Variants in AHI1 observed in about 807,000 individuals in gnomAD.
The protein encoded by AHI1 is Abelson helper integration site 1.
Under a neutral mutation model 149.3 loss-of-function variants are expected in AHI1, and 123 were observed. The ratio of observed to expected loss-of-function variants is 0.82; its 90% CI spans 0.71 to 0.96. The LOEUF is 0.96. Among genes scored for constraint, AHI1 ranks in the 40% least tolerant of loss-of-function variants. The pLI, the probability that AHI1 is intolerant of heterozygous loss-of-function variation, is 0.00. For synonymous variants in AHI1, 475 were observed against 459.8 expected (o/e 1.03, Z -0.42); for missense variants, 1,439 against 1,422.7 (o/e 1.01, Z -0.18).
At chr6:135,405,983 T>C (rs747031298) in intron 21 of AHI1, among the ~76,000 whole-genome samples, 1 of 148,850 alleles carries the variant, frequency 6.7e-6, no homozygotes, top group Non-Finnish European at 1.5e-5. Flanking sequence ...TAGTGAAAAA[T>C]GGTCATAATC....
chr6:135,463,407 C>A (rs1681141538), intron 7 of AHI1, 101 bp from the exon 8 acceptor site: 2 of 965,110 alleles, frequency 2.1e-6, no homozygotes, highest in Non-Finnish European at 2.9e-6. Context: ...CAAAGATAAT[C>A]CTAAAATCAC....
chr6:135,471,633 C>T (rs563355317), intron 5 of AHI1, among the ~76,000 whole-genome samples: 1 of 147,952 alleles, frequency 6.8e-6, no homozygotes, highest in Admixed American at 6.9e-5. Flanking sequence ...TCCTATTATA[C>T]CTTTGCCAAT....
chr6:135,366,984 T>C (rs1774280686), intron 23 of AHI1, among the ~76,000 whole-genome samples: 1 of 152,236 alleles, frequency 6.6e-6, no homozygotes, highest in Non-Finnish European at 1.5e-5. Flanking sequence ...ATCACTATTA[T>C]CATCCAGTTC....
chr6:135,379,526 A>G (rs953529837), intron 23 of AHI1, among the ~76,000 whole-genome samples: 1 of 152,202 alleles, frequency 6.6e-6, no homozygotes, highest in African/African-American at 2.4e-5. Flanking sequence ...AGAATTTGTT[A>G]CTATATCATC....
intron 26 of AHI1, among the ~76,000 whole-genome samples, chr6:135,311,301 C>CAAAAA (rs35950731): frequency 5.0e-5 from 4 of 79,942 alleles, no homozygotes; most frequent in Non-Finnish European, 9.5e-5. Flanking sequence ...GACCCCGCCT[C>CAAAAA]AAAAAAAAAA....
At chr6:135,339,644 G>A (rs542121071) in intron 24 of AHI1, among the ~76,000 whole-genome samples, 1 of 152,248 alleles carries the variant, frequency 6.6e-6, no homozygotes, top group African/African-American at 2.4e-5. Flanking sequence ...GGAACAGAAG[G>A]AAAATAGAAT....
chr6:135,475,564 C>T (rs924097657), intron 5 of AHI1, among the ~76,000 whole-genome samples: 1 of 152,170 alleles, frequency 6.6e-6, no homozygotes, highest in African/African-American at 2.4e-5. Flanking sequence ...GTGACACAGG[C>T]ACTGAATGCT....
chr6:135,463,726 C>T (rs1790293489), intron 7 of AHI1, among the ~76,000 whole-genome samples: 1 of 152,096 alleles, frequency 6.6e-6, no homozygotes, highest in Non-Finnish European at 1.5e-5. Context: ...AGAGGCTTCA[C>T]ATGCACAACT....
In AHI1 at chr6:135,380,735, C is replaced by G. The variant is rs1444313311; in HGVS notation, c.3109+14041G>C. On this transcript the variant is annotated intron_variant, in intron 23 of 28. Coordinates refer to ENST00000265602, the MANE Select transcript of AHI1 (RefSeq NM_001134831.2). The stretch of plus-strand genomic sequence containing the variant: ...AACATCTTTTTAAGTAAAATAACCC[C>G]CCCCCCCCCAAAAAAAAAGTACAAA... Among the ~76,000 whole-genome samples the G allele has an allele frequency of 1.4e-4, 16 of 111,790 alleles. 1 individual carries two copies. Among genetic ancestry groups the G allele is most frequent in the African/African-American group, 6.2e-4 (14 of 22,480 alleles). 73.3% of individuals were successfully genotyped at this position (111,790 alleles called of 152,430 possible).
chr6:135,442,443 T>C, intron 14 of AHI1, 139 bp downstream of exon 14: 1 of 930,312 alleles, frequency 1.1e-6, no homozygotes. Context: ...AAGAACTTTC[T>C]TTGTTTGAAG....
In AHI1 at chr6:135,417,267, A is replaced by C. The variant is rs1272555171; in HGVS notation, c.2765-5723T>G. 2.2e-4 allele frequency among the ~76,000 whole-genome samples: 33 copies of C among 151,932 alleles called. 1 individual carries two copies. Among genetic ancestry groups the C allele is most frequent in the Admixed American group, 2.2e-3 (33 of 15,210 alleles). ...GTTAATTATTTAATGACATTTTTTA[A>C]CTCCCTATATTTTCTCTGAGATTGT... On this transcript the variant is annotated intron_variant, in intron 20 of 28. Transcript: ENST00000265602.
chr6:135,318,463 C>T, intron 26 of AHI1, 56 bp downstream of exon 26: 2 of 1,085,050 alleles, frequency 1.8e-6, no homozygotes, highest in Non-Finnish European at 2.7e-6. Context: ...AATATTTTAT[C>T]CAGAGAGAGT....
At position 135,362,941 on chromosome 6, in the gene AHI1, T is replaced by C. The variant is rs555672953; in HGVS notation, c.3110-4754A>G. 4.6e-5 allele frequency among the ~76,000 whole-genome samples: 7 copies of C among 152,100 alleles called. No individual in the cohort carries two copies. In the East Asian group the frequency reaches 1.3e-3, roughly 29 times the overall value. ...ATCATAAAGTCTTTGCCTAAGCCAATGTCTAGTAGTGTTTTTCCAATATTA... is the reference window on the plus strand; with the variant it reads ...ATCATAAAGTCTTTGCCTAAGCCAACGTCTAGTAGTGTTTTTCCAATATTA... On this transcript the variant is annotated intron_variant, in intron 23 of 28. Transcript: ENST00000265602.
intron 11 of AHI1, among the ~76,000 whole-genome samples, chr6:135,452,261 T>C (rs1344866145): frequency 6.6e-6 from 1 of 152,240 alleles, no homozygotes; most frequent in Non-Finnish European, 1.5e-5. Context: ...AATGAAAATG[T>C]TTTTATAAGA....
Position 135,455,503 on chromosome 6 carries a change from T to C in AHI1, c.1344+231A>G, listed in dbSNP as rs187825529. ...TCACAGAGCTGTTGTAATTATTAAA[T>C]TATACAAAGTAGGCCAAATGGTTAA... On this transcript the variant is annotated intron_variant, in intron 10 of 28. Coordinates refer to ENST00000265602, the MANE Select transcript of AHI1 (RefSeq NM_001134831.2). Among the ~76,000 whole-genome samples, 74 of 152,350 alleles carry C rather than the reference T, an allele frequency of 4.9e-4. No individual in the cohort carries two copies. In the East Asian group the frequency reaches 0.011, roughly 23 times the overall value.
At chr6:135,484,214 T>C (rs544649714) in intron 5 of AHI1, among the ~76,000 whole-genome samples, 6 of 152,130 alleles carry the variant, frequency 3.9e-5, no homozygotes, top group Non-Finnish European at 7.3e-5. Flanking sequence ...TTACCTCCCA[T>C]TGAGTTCCTC....
chr6:135,417,717 T>C (rs574892136), intron 20 of AHI1, among the ~76,000 whole-genome samples: 2 of 152,062 alleles, frequency 1.3e-5, no homozygotes, highest in African/African-American at 2.4e-5. Flanking sequence ...AAACACCCTA[T>C]TTTATCTTTA....
chr6:135,448,527 C>A, intron 11 of AHI1, 52 bp from the exon 12 acceptor site: 4 of 1,286,308 alleles, frequency 3.1e-6, no homozygotes, highest in Non-Finnish European at 4.1e-6. Context: ...ATAAATATAT[C>A]CAATAAAGCA....
intron 24 of AHI1, among the ~76,000 whole-genome samples, chr6:135,352,714 C>T (rs62431507): frequency 0.11 from 7,917 of 69,916 alleles, 214 homozygotes; most frequent in African/African-American, 0.22. Context: ...TATATATATA[C>T]ACACACACAC....
Sources: allele counts gnomAD v4.1 joint callset (sites outside exome capture counted in the v4.1 genomes callset), GRCh38; gene constraint gnomAD v4.1.1; transcripts MANE v1.5; gene names NCBI Gene and HGNC (gene_info 2026-07-23, HGNC 2026-07-21).